Variants in DNAH5 observed in about 807,000 individuals in gnomAD.
The protein encoded by DNAH5 is dynein axonemal heavy chain 5, also known as axonemal beta dynein heavy chain 5.
In DNAH5, 372 loss-of-function variants were observed where a neutral mutation model predicts 518.2. The ratio of observed to expected loss-of-function variants is 0.72; its 90% CI spans 0.66 to 0.78. The LOEUF is 0.78. Ranked by LOEUF, DNAH5 falls within the 30% of genes least tolerant of loss-of-function variation. The probability of loss-of-function intolerance (pLI) is 0.00; values close to 1 mark genes in which losing one functional copy is unlikely to be tolerated. For synonymous variants in DNAH5, 2,039 were observed against 2,025.9 expected, an observed-to-expected ratio of 1.01 and a Z score of -0.17; for missense variants, 5,523 against 5,687.0, an observed-to-expected ratio of 0.97 and a Z score of 0.93.
chr5:13,847,819 G>A (rs754281635), intron 31 of DNAH5, among the ~76,000 whole-genome samples: 1 of 152,040 alleles, frequency 6.6e-6, no homozygotes, highest in Non-Finnish European at 1.5e-5. Context: ...TGGAAGATGA[G>A]GAAGGGAGAG....
At chr5:13,736,433 C>A (rs1042481050) in intron 66 of DNAH5, among the ~76,000 whole-genome samples, 1 of 152,022 alleles carries the variant, frequency 6.6e-6, no homozygotes, top group Non-Finnish European at 1.5e-5. Flanking sequence ...TTGCTCTTGT[C>A]CCCCAGGCTG....
chr5:13,870,641 A>G (rs1769952781), intron 24 of DNAH5, 126 bp downstream of exon 24: 1 of 916,546 alleles, frequency 1.1e-6, no homozygotes, highest in Admixed American at 2.0e-5. Context: ...ATCATCAACA[A>G]TATTGAAATT....
chr5:13,872,982 G>A (rs1214539357), intron 22 of DNAH5, among the ~76,000 whole-genome samples: 2 of 152,246 alleles, frequency 1.3e-5, no homozygotes, highest in African/African-American at 4.8e-5. Flanking sequence ...AGAAGGGAGG[G>A]CTATGAGAAA....
intron 15 of DNAH5, chr5:13,896,560 A>G (rs1773941388): frequency 6.6e-6 from 1 of 152,170 alleles, no homozygotes; most frequent in Non-Finnish European, 1.5e-5. Context: ...ACTTACTTAC[A>G]GTGTTCATTT....
At chr5:13,964,696 G>A (rs1781415831) in intron 1 of DNAH5, among the ~76,000 whole-genome samples, 1 of 152,228 alleles carries the variant, frequency 6.6e-6, no homozygotes, top group African/African-American at 2.4e-5. Flanking sequence ...TTGGAGATGA[G>A]ACAGAACTGA....
chr5:13,977,272 T>C (rs1443736073), intron 1 of DNAH5, among the ~76,000 whole-genome samples: 1 of 152,150 alleles, frequency 6.6e-6, no homozygotes. Flanking sequence ...AGGTGGAGGC[T>C]TGCCCAGGAC....
chr5:13,719,313 T>C (rs538738609), intron 71 of DNAH5, among the ~76,000 whole-genome samples: 32 of 152,358 alleles, frequency 2.1e-4, no homozygotes, highest in African/African-American at 7.2e-4. Flanking sequence ...TACACTAGTA[T>C]GCAATTGTAC....
rs566895616 is a variant in DNAH5 at position 13,921,739 on chromosome 5, C to T, written c.660+368G>A. Among the ~76,000 whole-genome samples, 7 of 122,782 alleles carry T rather than the reference C, an allele frequency of 5.7e-5. No homozygotes were observed. The South Asian group carries it at 8.2e-4, about 14-fold the overall frequency. The allele number at this position is 122,782 out of a possible 152,430, so 80.5% of individuals were successfully genotyped here. On this transcript the variant is annotated intron_variant, in intron 5 of 78. Coordinates refer to ENST00000265104, the MANE Select transcript of DNAH5 (RefSeq NM_001369.3). The stretch of plus-strand genomic sequence containing the variant: ...AGGATCTCTTCCCACCTCCATCTGC[C>T]GCCCACACACACCCCCCCACACACA...
In DNAH5 at chr5:13,701,416, T is replaced by C. The variant is rs3734111; in HGVS notation, c.13359A>G (p.Thr4453=). 846,222 of 1,605,764 alleles carry C rather than the reference T, an allele frequency of 0.53. 226,310 individuals are homozygous for C. The highest frequency in any genetic ancestry group is 0.55 in the Non-Finnish European group (646,142 of 1,172,836). Residue 4453 remains threonine (T), a synonymous_variant, in exon 77 of 79, where the codon ACA becomes ACG. Transcript: ENST00000265104. ...WWKKASWISS[T]LGFWFTELIE... ...TAAGTTCAGTAAACCAGAAACCCAG[T>C]GTACTAGAAATCCAAGAAGCCTGCA...
chr5:13,783,752 T>C (rs12186615), intron 52 of DNAH5, among the ~76,000 whole-genome samples: 40,563 of 152,162 alleles, frequency 0.27, 5,708 homozygotes, highest in South Asian at 0.36. Flanking sequence ...TATCCTGTTT[T>C]GCTGCAGTTT....
At chr5:13,850,845 A>C in intron 30 of DNAH5, 30 bp from the exon 31 acceptor site, 1 of 1,610,234 alleles carries the variant, frequency 6.2e-7, no homozygotes, top group East Asian at 2.2e-5. Flanking sequence ...AAGCACACTT[A>C]GATTTGGACA....
chr5:13,776,786 G>A (rs1333450525), intron 54 of DNAH5, 80 bp from the exon 55 acceptor site: 8 of 1,499,178 alleles, frequency 5.3e-6, no homozygotes, highest in Non-Finnish European at 6.5e-6. Context: ...TACACAGAAT[G>A]TCTTTTCTCC....
At chr5:13,960,305 C>T (rs1045402465) in intron 1 of DNAH5, among the ~76,000 whole-genome samples, 8 of 152,114 alleles carry the variant, frequency 5.3e-5, no homozygotes, top group Non-Finnish European at 7.4e-5. Context: ...GATGAGTGAA[C>T]CCCAACACTG....
chr5:13,908,387 A>C (rs994732617), intron 12 of DNAH5, among the ~76,000 whole-genome samples: 2 of 152,274 alleles, frequency 1.3e-5, no homozygotes, highest in South Asian at 4.1e-4. Flanking sequence ...TCTCCTTCAG[A>C]CACCAGCAAA....
intron 56 of DNAH5, 49 bp from the exon 57 acceptor site, chr5:13,769,664 A>T: frequency 6.8e-7 from 1 of 1,463,442 alleles, no homozygotes; most frequent in Non-Finnish European, 9.6e-7. Context: ...TAGGACTTGG[A>T]TGCAATTCTC....
intron 76 of DNAH5, among the ~76,000 whole-genome samples, chr5:13,703,874 A>G (rs1742444090): frequency 6.6e-6 from 1 of 152,158 alleles, no homozygotes; most frequent in African/African-American, 2.4e-5. Context: ...GGTTGGGTCC[A>G]AGGCTCTAGT....
chr5:13,710,952 G>T (rs945950934), intron 75 of DNAH5, among the ~76,000 whole-genome samples: 5 of 152,100 alleles, frequency 3.3e-5, no homozygotes, highest in African/African-American at 1.2e-4. Flanking sequence ...AGAAGAATTG[G>T]TACCAATCCT....
chr5:13,824,746 T>A (rs1762675729), intron 38 of DNAH5, among the ~76,000 whole-genome samples: 1 of 152,162 alleles, frequency 6.6e-6, no homozygotes, highest in Admixed American at 6.5e-5. Context: ...CATAGAGATA[T>A]ATGTGCCTTT....
At chr5:14,010,749 T>C (rs1785059052) in intron 1 of DNAH5, among the ~76,000 whole-genome samples, 1 of 152,138 alleles carries the variant, frequency 6.6e-6, no homozygotes, top group African/African-American at 2.4e-5. Flanking sequence ...AACGTAAATA[T>C]CTACAGAGAG....
Sources: gnomAD v4.1 joint callset for allele counts (sites outside exome capture counted in the v4.1 genomes callset) on GRCh38, gnomAD v4.1.1 for gene constraint, MANE v1.5 for transcripts, NCBI Gene and HGNC (gene_info 2026-07-23, HGNC 2026-07-21) for gene names.